MTHFD2L: variants seen among roughly 807,000 people sequenced by gnomAD.
MTHFD2L encodes methylenetetrahydrofolate dehydrogenase (NADP+ dependent) 2 like, also known as bifunctional methylenetetrahydrofolate dehydrogenase/cyclohydrolase 2, mitochondrial.
Under a neutral mutation model 34.9 loss-of-function variants are expected in MTHFD2L, and 29 were observed. That is an observed-to-expected ratio of 0.83 (90% CI 0.62 to 1.13). The LOEUF (loss-of-function observed/expected upper bound fraction) is 1.13. Among genes scored for constraint, MTHFD2L ranks in the 50% most tolerant of loss-of-function variants. MTHFD2L has a pLI of 0.00. For synonymous variants in MTHFD2L, 167 were observed against 155.7 expected, an observed-to-expected ratio of 1.07 and a Z score of -0.54; for missense variants, 481 against 446.5, an observed-to-expected ratio of 1.08 and a Z score of -0.70.
Position 74,302,482 on chromosome 4 carries a change from A to G in MTHFD2L, c.*673A>G, listed in dbSNP as rs1233608599. On this transcript the variant is annotated 3_prime_UTR_variant, in exon 8 of 8. Transcript: ENST00000325278. The stretch of plus-strand genomic sequence containing the variant: ...ACATGGTGAATGACTACTAAGAGTA[A>G]TGATTATATCACATTGTGAATGACT... The G allele has an allele frequency of 6.6e-6, 1 of 152,142 alleles. No individual in the cohort carries two copies. Among genetic ancestry groups the G allele is most frequent in the South Asian group, 2.1e-4 (1 of 4,834 alleles). The allele number at this position is 152,142 out of a possible 1,614,324, so 9.4% of individuals were successfully genotyped here. A position where few individuals can be genotyped will look rare whatever the true frequency, so the allele number is the denominator to read the frequency against.
At chr4:74,185,641 A>G (rs933157930) in intron 3 of MTHFD2L, among the ~76,000 whole-genome samples, 2 of 152,196 alleles carry the variant, frequency 1.3e-5, no homozygotes, top group East Asian at 3.8e-4. Flanking sequence ...GTAAGGGAAT[A>G]TTCTCAGTAA....
chr4:74,253,475 A>G (rs1179590706), intron 6 of MTHFD2L, among the ~76,000 whole-genome samples: 9 of 152,170 alleles, frequency 5.9e-5, no homozygotes, highest in Admixed American at 6.5e-5. Context: ...CAAATTAGAG[A>G]GTATAGGAAG....
chr4:74,138,429 G>A (rs1723082970), intron 1 of MTHFD2L, among the ~76,000 whole-genome samples: 1 of 152,130 alleles, frequency 6.6e-6, no homozygotes, highest in Non-Finnish European at 1.5e-5. Flanking sequence ...CGGATTCCAA[G>A]GAATGGAACC....
chr4:74,117,630 A>G (rs1023286789), intron 2 of MTHFD2L, among the ~76,000 whole-genome samples: 7 of 152,240 alleles, frequency 4.6e-5, no homozygotes, highest in Non-Finnish European at 1.0e-4. Flanking sequence ...AGGTTCAAAC[A>G]TTTGGGGTCA....
chr4:74,233,050 T>A (rs1560514092), intron 6 of MTHFD2L, among the ~76,000 whole-genome samples: 1 of 152,060 alleles, frequency 6.6e-6, no homozygotes, highest in African/African-American at 2.4e-5. Context: ...ACTTATATTC[T>A]AAAAACAAAT....
chr4:74,272,644 G>T (rs535648956), intron 6 of MTHFD2L, among the ~76,000 whole-genome samples: 2 of 152,164 alleles, frequency 1.3e-5, no homozygotes, highest in Non-Finnish European at 2.9e-5. Context: ...ATCTGTAGGG[G>T]CCTGAATTTG....
chr4:74,190,509 C>A (rs1411707449), intron 3 of MTHFD2L: 18 of 985,236 alleles, frequency 1.8e-5, no homozygotes, highest in Non-Finnish European at 2.0e-5. Flanking sequence ...CTTTTTCCGG[C>A]CTAGAGAACT....
chr4:74,197,380 A>T (rs953099064), intron 3 of MTHFD2L, among the ~76,000 whole-genome samples: 1 of 152,142 alleles, frequency 6.6e-6, no homozygotes, highest in Non-Finnish European at 1.5e-5. Flanking sequence ...AGGAAGTAGG[A>T]TTACCTGTAA....
chr4:74,245,805 A>C (rs1440775242), intron 6 of MTHFD2L, among the ~76,000 whole-genome samples: 1 of 151,704 alleles, frequency 6.6e-6, no homozygotes, highest in Non-Finnish European at 1.5e-5. Flanking sequence ...AAGGACATGA[A>C]CTCATCCTTT....
intron 5 of MTHFD2L, among the ~76,000 whole-genome samples, chr4:74,202,875 C>G (rs1339323442): frequency 1.3e-5 from 2 of 152,098 alleles, no homozygotes; most frequent in African/African-American, 4.8e-5. Context: ...CACACGCACA[C>G]ATGCACACAT....
chr4:74,230,888 C>G lies in MTHFD2L; in HGVS notation c.805+5494C>G, dbSNP rs146764965. Among the ~76,000 whole-genome samples the G allele has an allele frequency of 4.6e-5, 7 of 152,160 alleles. No homozygotes were observed. In the East Asian group the frequency reaches 1.4e-3, roughly 29 times the overall value. On this transcript the variant is annotated intron_variant, in intron 6 of 7. Coordinates refer to ENST00000325278, the MANE Select transcript of MTHFD2L (RefSeq NM_001144978.3). ...AATCTTCATTATTCAGCAGGATAGGCAAGTTTTTTTAGACATTGTCCACAT... is the reference window on the plus strand; with the variant it reads ...AATCTTCATTATTCAGCAGGATAGGGAAGTTTTTTTAGACATTGTCCACAT...
intron 1 of MTHFD2L, chr4:74,161,335 G>A (rs1725419225): frequency 6.6e-6 from 1 of 152,086 alleles, no homozygotes; most frequent in Admixed American, 6.5e-5. Flanking sequence ...TACTTACTCT[G>A]TATTTCTGTC....
chr4:74,149,303 C>T (rs1723787747), intron 1 of MTHFD2L, among the ~76,000 whole-genome samples: 1 of 151,824 alleles, frequency 6.6e-6, no homozygotes. Context: ...GAAATACCTA[C>T]AGTGTTTTCT....
chr4:74,207,363 T>G (rs895194234), intron 5 of MTHFD2L, among the ~76,000 whole-genome samples: 2 of 152,148 alleles, frequency 1.3e-5, no homozygotes, highest in Admixed American at 1.3e-4. Flanking sequence ...GCTGGCTGAT[T>G]TTTAAAGAGT....
intron 1 of MTHFD2L, chr4:74,161,555 T>TCTTAA (rs1725474418): frequency 6.6e-6 from 1 of 152,248 alleles, no homozygotes; most frequent in South Asian, 2.1e-4. Flanking sequence ...GTCTCTCATA[T>TCTTAA]CTTAAGTTTT....
intron 1 of MTHFD2L, among the ~76,000 whole-genome samples, chr4:74,133,245 T>C (rs1722682314): frequency 6.6e-6 from 1 of 152,198 alleles, no homozygotes; most frequent in Non-Finnish European, 1.5e-5. Flanking sequence ...GATCTTCTCT[T>C]TGTCTTTGAT....
intron 1 of MTHFD2L, among the ~76,000 whole-genome samples, chr4:74,169,166 G>C (rs1016786228): frequency 6.6e-6 from 1 of 152,234 alleles, no homozygotes; most frequent in Admixed American, 6.5e-5. Context: ...CATGTCTGCT[G>C]TAATTAGTTA....
chr4:74,251,816 T>C (rs1023059442), intron 6 of MTHFD2L, among the ~76,000 whole-genome samples: 1 of 152,208 alleles, frequency 6.6e-6, no homozygotes, highest in Non-Finnish European at 1.5e-5. Context: ...AATTTCTGAA[T>C]TTCCAGTAGC....
At chr4:74,177,425 T>C (rs1011390214) in intron 3 of MTHFD2L, among the ~76,000 whole-genome samples, 1 of 151,912 alleles carries the variant, frequency 6.6e-6, no homozygotes, top group Non-Finnish European at 1.5e-5. Context: ...CATTAATTCT[T>C]AAAATGTCCA....
Sources: gnomAD v4.1 joint callset for allele counts (sites outside exome capture counted in the v4.1 genomes callset) on GRCh38, gnomAD v4.1.1 for gene constraint, MANE v1.5 for transcripts, NCBI Gene and HGNC (gene_info 2026-07-23, HGNC 2026-07-21) for gene names.